The following ZNF365 variants were observed in gnomAD, a reference collection of about 807,000 sequenced individuals.
ZNF365 encodes the protein protein ZNF365.
Under a neutral mutation model 35.0 loss-of-function variants are expected in ZNF365, and 22 were observed. That is an observed-to-expected ratio of 0.63 (90% CI 0.45 to 0.90). The LOEUF is 0.90. Among genes scored for constraint, ZNF365 ranks in the 40% least tolerant of loss-of-function variants. ZNF365 has a pLI of 0.00. For synonymous variants in ZNF365, 188 were observed against 196.2 expected, an observed-to-expected ratio of 0.96 and a Z score of 0.35; for missense variants, 448 against 500.3, an observed-to-expected ratio of 0.90 and a Z score of 1.00.
intron 3 of ZNF365, among the ~76,000 whole-genome samples, chr10:62,441,447 A>T (rs776284216): frequency 6.6e-6 from 1 of 152,172 alleles, no homozygotes; most frequent in Non-Finnish European, 1.5e-5. Flanking sequence ...TCTTTATTTT[A>T]TAGATAAGAA....
At chr10:62,392,547 G>T (rs535235884) in intron 3 of ZNF365, among the ~76,000 whole-genome samples, 2 of 152,280 alleles carry the variant, frequency 1.3e-5, no homozygotes, top group South Asian at 2.1e-4. Context: ...TCAGTTGGTT[G>T]TTAAGTATTT....
chr10:62,432,910 C>T (rs1297075606), intron 3 of ZNF365, among the ~76,000 whole-genome samples: 3 of 152,168 alleles, frequency 2.0e-5, no homozygotes, highest in South Asian at 2.1e-4. Flanking sequence ...CTAAAATGTA[C>T]ATGGAGATCT....
intron 3 of ZNF365, among the ~76,000 whole-genome samples, chr10:62,420,279 CG>C (rs1840145851): frequency 6.6e-6 from 1 of 152,098 alleles, no homozygotes; most frequent in Non-Finnish European, 1.5e-5. Context: ...GAAATTAACT[CG>C]TAATAAATAT....
downstream of ZNF365, among the ~76,000 whole-genome samples, chr10:62,406,823 C>T (rs1242896860): frequency 6.6e-6 from 1 of 152,204 alleles, no homozygotes; most frequent in Non-Finnish European, 1.5e-5. Context: ...GTAAGCCCCT[C>T]AGGTCTGCAG....
At chr10:62,451,992 C>T (rs564407395) in intron 3 of ZNF365, among the ~76,000 whole-genome samples, 1 of 152,336 alleles carries the variant, frequency 6.6e-6, no homozygotes, top group Non-Finnish European at 1.5e-5. Flanking sequence ...ACATACTTGT[C>T]AGAGAGACAG....
chr10:62,426,612 G>T (rs891395747), intron 3 of ZNF365, among the ~76,000 whole-genome samples: 7 of 152,096 alleles, frequency 4.6e-5, no homozygotes, highest in Admixed American at 3.3e-4. Flanking sequence ...TGGTCAAGAG[G>T]TAGAAGACAG....
intron 4 of ZNF365, among the ~76,000 whole-genome samples, chr10:62,460,452 A>T (rs926656242): frequency 6.6e-6 from 1 of 152,226 alleles, no homozygotes; most frequent in African/African-American, 2.4e-5. Context: ...CTAATAATAA[A>T]ATAGAACAAT....
intron 3 of ZNF365, among the ~76,000 whole-genome samples, chr10:62,454,962 C>G (rs1447765307): frequency 3.3e-5 from 5 of 152,190 alleles, no homozygotes; most frequent in Admixed American, 2.0e-4. Flanking sequence ...AATGGGACTT[C>G]CAACTGGAAA....
At chr10:62,457,573 C>A (rs1273432170) in intron 3 of ZNF365, among the ~76,000 whole-genome samples, 9 of 152,310 alleles carry the variant, frequency 5.9e-5, no homozygotes, top group African/African-American at 2.2e-4. Flanking sequence ...ACCACAGTGA[C>A]AATTATAACT....
At chr10:62,413,353 T>C (rs971455214) in intron 3 of ZNF365, among the ~76,000 whole-genome samples, 1 of 152,176 alleles carries the variant, frequency 6.6e-6, no homozygotes, top group African/African-American at 2.4e-5. Context: ...GTGAATCTTT[T>C]AGAGGAGAAA....
intron 4 of ZNF365, among the ~76,000 whole-genome samples, chr10:62,466,495 A>T (rs573043451): frequency 3.3e-5 from 5 of 152,144 alleles, no homozygotes; most frequent in Non-Finnish European, 5.9e-5. Context: ...GGCCGAGCAC[A>T]GCCTGCTGGG....
intron 2 of ZNF365, among the ~76,000 whole-genome samples, chr10:62,379,985 T>TA (rs1029683504): frequency 1.3e-4 from 20 of 152,140 alleles, no homozygotes; most frequent in African/African-American, 1.4e-4. Context: ...AGATTTGGTT[T>TA]AAAAAAAAGC....
chr10:62,417,700 G>A (rs918106686), intron 3 of ZNF365, among the ~76,000 whole-genome samples: 13 of 151,554 alleles, frequency 8.6e-5, no homozygotes, highest in African/African-American at 2.9e-4. Context: ...ACTAAAACAT[G>A]TTCAATAGAG....
chr10:62,460,199 T>C (rs557593392), intron 4 of ZNF365, among the ~76,000 whole-genome samples: 2 of 152,214 alleles, frequency 1.3e-5, no homozygotes, highest in Non-Finnish European at 2.9e-5. Flanking sequence ...CAGTCAGACC[T>C]GATCCGAACT....
At chr10:62,420,340 C>G (rs566641142) in intron 3 of ZNF365, among the ~76,000 whole-genome samples, 1 of 152,196 alleles carries the variant, frequency 6.6e-6, no homozygotes, top group African/African-American at 2.4e-5. Context: ...TTCTTTGAAC[C>G]AGTGATTCAA....
chr10:62,414,914 A>G (rs1260631914), intron 3 of ZNF365, among the ~76,000 whole-genome samples: 1 of 151,944 alleles, frequency 6.6e-6, no homozygotes, highest in Non-Finnish European at 1.5e-5. Flanking sequence ...TTCAGTTTGA[A>G]TATTTTCTAT....
At chr10:62,425,557 G>T (rs1231769786) in intron 3 of ZNF365, among the ~76,000 whole-genome samples, 3 of 152,104 alleles carry the variant, frequency 2.0e-5, no homozygotes, top group Non-Finnish European at 4.4e-5. Flanking sequence ...GCCAGATATG[G>T]TCCAGTCAAG....
At chr10:62,379,088 C>T (rs934314745) in intron 2 of ZNF365, among the ~76,000 whole-genome samples, 8 of 148,086 alleles carry the variant, frequency 5.4e-5, no homozygotes, top group East Asian at 2.0e-4. Context: ...AATGGCATGA[C>T]GTCAGCTCAC....
Position 62,381,230 on chromosome 10 carries a change from C to T in ZNF365, c.743+4294C>T, listed in dbSNP as rs143224732. 5.7e-3 allele frequency among the ~76,000 whole-genome samples: 864 copies of T among 152,162 alleles called. 6 individuals carry two copies. The highest frequency in any genetic ancestry group is 7.8e-3 in the Non-Finnish European group (533 of 67,998). On this transcript the variant is annotated intron_variant, in intron 2 of 4. Coordinates refer to ENST00000395254, the MANE Select transcript of ZNF365 (RefSeq NM_014951.3). ...CCAGAAGAGAGTGACCTTGAAGGGG[C>T]GGCAGGGAGGGCTGCTAGAGATGGC...
Sources: allele counts gnomAD v4.1 joint callset (sites outside exome capture counted in the v4.1 genomes callset), GRCh38; gene constraint gnomAD v4.1.1; transcripts MANE v1.5; gene names NCBI Gene and HGNC (gene_info 2026-07-23, HGNC 2026-07-21).